The following CACNA1D variants were observed in gnomAD, a reference collection of about 807,000 sequenced individuals.
CACNA1D encodes calcium voltage-gated channel subunit alpha1 D, also known as voltage-dependent L-type calcium channel subunit alpha-1D.
Under a neutral mutation model 257.1 loss-of-function variants are expected in CACNA1D, and 55 were observed. The observed-to-expected ratio is 0.21, with a 90% CI of 0.17 to 0.27. The LOEUF (loss-of-function observed/expected upper bound fraction) is 0.27. CACNA1D is among the 10% of genes least tolerant of loss of function. The pLI is 1.00. For synonymous variants in CACNA1D, 980 were observed against 1,014.9 expected (o/e 0.97, Z 0.65); for missense variants, 1,876 against 2,784.0 (o/e 0.67, Z 7.34).
At chr3:53,746,162 G>C (rs1313803009) in intron 25 of CACNA1D, among the ~76,000 whole-genome samples, 1 of 152,122 alleles carries the variant, frequency 6.6e-6, no homozygotes, top group Non-Finnish European at 1.5e-5. Flanking sequence ...TGGCTAGATG[G>C]CTTTTGTGGT....
chr3:53,741,888 G>A (rs2095121639), intron 21 of CACNA1D, among the ~76,000 whole-genome samples: 1 of 152,070 alleles, frequency 6.6e-6, no homozygotes, highest in African/African-American at 2.4e-5. Flanking sequence ...TTGGGCTTTG[G>A]GGAAAATTAG....
rs2094343348 is a variant in CACNA1D at position 53,673,275 on chromosome 3, A to T, written c.1220+149A>T. 2 of 622,674 alleles carry T rather than the reference A, an allele frequency of 3.2e-6. No homozygotes were observed. The highest frequency in any genetic ancestry group is 3.7e-5 in the African/African-American group (2 of 54,056). The allele number at this position is 622,674 out of a possible 1,614,324, so 38.6% of individuals were successfully genotyped here. A position where few individuals can be genotyped will look rare whatever the true frequency, so the allele number is the denominator to read the frequency against. ...CTTTCTTTTCTGCTGAGGCTTCCCA[A>T]ATCAAGCTGTTTCCTGGAACCTCAC... On this transcript the variant is annotated intron_variant, in intron 8 of 47. Transcript: ENST00000350061. This position sits in a 1 kb window ranked among gnomAD's most constrained non-coding sequence, Gnocchi z 4.1.
intron 9 of CACNA1D, among the ~76,000 whole-genome samples, chr3:53,707,440 T>C (rs1243586195): frequency 6.6e-6 from 1 of 152,190 alleles, no homozygotes; most frequent in Admixed American, 6.5e-5. Context: ...CAATCAGGCC[T>C]CTAACTGAGC....
intron 15 of CACNA1D, among the ~76,000 whole-genome samples, chr3:53,727,653 G>T (rs1456638199): frequency 6.6e-6 from 1 of 151,976 alleles, no homozygotes; most frequent in African/African-American, 2.4e-5. Context: ...TTTGGTTCTC[G>T]GTGTTTTATC....
chr3:53,604,803 T>G (rs2093487486), intron 3 of CACNA1D, among the ~76,000 whole-genome samples: 1 of 152,136 alleles, frequency 6.6e-6, no homozygotes, highest in African/African-American at 2.4e-5. Flanking sequence ...AAGCCCCAAA[T>G]CTAAAGATCT....
At chr3:53,716,654 C>G (rs2169143) in intron 9 of CACNA1D, among the ~76,000 whole-genome samples, 133,433 of 152,094 alleles carry the variant, frequency 0.88, 58,647 homozygotes, top group East Asian at 1. Context: ...GGTTTCTTCT[C>G]ACTTAGGAAA....
At chr3:53,530,835 C>T (rs149305257) in intron 3 of CACNA1D, among the ~76,000 whole-genome samples, 4 of 152,072 alleles carry the variant, frequency 2.6e-5, no homozygotes, top group Non-Finnish European at 5.9e-5. Flanking sequence ...GCTCTGCACC[C>T]GTGCACATCC....
At chr3:53,663,890 C>T (rs1841291) in intron 5 of CACNA1D, among the ~76,000 whole-genome samples, 91,851 of 151,740 alleles carry the variant, frequency 0.61, 28,849 homozygotes, top group African/African-American at 0.78. Flanking sequence ...CTCAGTCTCC[C>T]GAGTAGCTGG....
At chr3:53,682,353 C>T (rs1393955059) in intron 8 of CACNA1D, among the ~76,000 whole-genome samples, 1 of 81,416 alleles carries the variant, frequency 1.2e-5, no homozygotes, top group African/African-American at 5.1e-5. Context: ...CATAGCGAGG[C>T]TTTGTCTCTG....
intron 40 of CACNA1D, among the ~76,000 whole-genome samples, chr3:53,794,802 C>G (rs2095500464): frequency 6.6e-6 from 1 of 152,188 alleles, no homozygotes; most frequent in Non-Finnish European, 1.5e-5. Context: ...GTGTTGAAGG[C>G]AAAGAACATC....
chr3:53,561,004 CT>C (rs1279767469), intron 3 of CACNA1D, among the ~76,000 whole-genome samples: 1 of 152,172 alleles, frequency 6.6e-6, no homozygotes, highest in Non-Finnish European at 1.5e-5. Flanking sequence ...TTTTGAACTC[CT>C]TAGGTAGGGC....
chr3:53,780,515 A>G (rs1279122780), intron 38 of CACNA1D, among the ~76,000 whole-genome samples: 2 of 152,164 alleles, frequency 1.3e-5, no homozygotes, highest in Admixed American at 6.5e-5. Flanking sequence ...TTCTTTCCCT[A>G]TGAAAAGGAA....
At chr3:53,657,371 A>G (rs760474801) in intron 4 of CACNA1D, among the ~76,000 whole-genome samples, 3 of 152,118 alleles carry the variant, frequency 2.0e-5, no homozygotes, top group Non-Finnish European at 4.4e-5. Flanking sequence ...CTGGATACTC[A>G]AGGCTGAGCT....
rs1325367891 is a variant in CACNA1D, at chr3:53,732,933, C to T, written c.2592C>T (p.Ser864=). Residue 864 remains serine, a synonymous_variant, in exon 19 of 48, where the codon AGC becomes AGT. Coordinates refer to ENST00000350061, the MANE Select transcript of CACNA1D (RefSeq NM_001128840.3). ...KEKIAPIPEG[S]AFFILSKTNP... ...AAATTGCCCCCATCCCTGAAGGGAG[C>T]GCTTTCTTCATTCTTAGCAAGACCA... 8.1e-6 allele frequency: 13 copies of T among 1,613,814 alleles called. No homozygotes were observed. Among genetic ancestry groups the T allele is most frequent in the East Asian group, 2.2e-5 (1 of 44,896 alleles).
In CACNA1D at chr3:53,726,938, C is replaced by T. The variant is rs927365957; in HGVS notation, c.2160C>T (p.Gly720=). The part of the protein sequence containing the change: ...VMYDGIMAYG[G]PSSSGMIVCI... ...ACGATGGCATCATGGCTTACGGGGGCCCATCCTCTTCAGGAATGATCGTCT... is the reference window on the plus strand; with the variant it reads ...ACGATGGCATCATGGCTTACGGGGGTCCATCCTCTTCAGGAATGATCGTCT... The change falls in exon 15 of 48, where the codon GGC becomes GGT. Residue 720 remains glycine (G), a synonymous_variant. Coordinates refer to ENST00000350061, the MANE Select transcript of CACNA1D (RefSeq NM_001128840.3). 2.5e-6 allele frequency: 4 copies of T among 1,614,038 alleles called. No homozygotes were observed. The highest frequency in any genetic ancestry group is 3.4e-6 in the Non-Finnish European group (4 of 1,179,902).
chr3:53,767,083 C>T (rs1490044380), intron 30 of CACNA1D, among the ~76,000 whole-genome samples: 1 of 152,162 alleles, frequency 6.6e-6, no homozygotes, highest in Non-Finnish European at 1.5e-5. Flanking sequence ...CCAGAAAGAA[C>T]CCACTGTTCA....
intron 3 of CACNA1D, among the ~76,000 whole-genome samples, chr3:53,520,238 G>A (rs76975864): frequency 0.011 from 1,624 of 152,250 alleles, 30 homozygotes; most frequent in African/African-American, 0.037. Context: ...AAGCAGCTGC[G>A]CCATTTTACA....
intron 34 of CACNA1D, among the ~76,000 whole-genome samples, chr3:53,775,652 C>A (rs112384875): frequency 6.6e-6 from 1 of 152,130 alleles, no homozygotes; most frequent in Admixed American, 6.5e-5. Flanking sequence ...AGACAGTTAG[C>A]GCGCTTGCAT....
intron 8 of CACNA1D, chr3:53,679,193 C>T (rs964643962): frequency 9.7e-5 from 13 of 134,104 alleles, no homozygotes; most frequent in African/African-American, 3.7e-4. Context: ...TCACTTGAAC[C>T]AGGGAGGTGG....
Sources: allele counts gnomAD v4.1 joint callset (sites outside exome capture counted in the v4.1 genomes callset), GRCh38; gene constraint gnomAD v4.1.1; non-coding constraint Gnocchi (gnomAD v3.1); transcripts MANE v1.5; gene names NCBI Gene and HGNC (gene_info 2026-07-23, HGNC 2026-07-21).